The following CD44 variants were observed in gnomAD, a reference collection of about 807,000 sequenced individuals.
The protein encoded by CD44 is CD44 molecule (IN blood group).
CD44 carries 49 observed loss-of-function variants against 88.8 expected under a neutral mutation model. The ratio of observed to expected loss-of-function variants is 0.55; its 90% CI spans 0.44 to 0.70. The LOEUF is 0.70. Ranked by LOEUF, CD44 falls within the 30% of genes least tolerant of loss-of-function variation. The pLI, the probability that CD44 is intolerant of heterozygous loss-of-function variation, is 0.00. For missense variants in CD44, 883 were observed against 913.8 expected (o/e 0.97, Z 0.43); for synonymous variants, 325 against 312.3 (o/e 1.04, Z -0.43).
chr11:35,200,966 C>A, intron 7 of CD44, 116 bp from the exon 8 acceptor site: 2 of 773,954 alleles, frequency 2.6e-6, no homozygotes, highest in Non-Finnish European at 4.6e-6. Flanking sequence ...GCCATCTATA[C>A]AACCTGGTAT....
At chr11:35,219,142 A>G (rs1949086390) in intron 15 of CD44, 174 bp from the exon 16 acceptor site, 1 of 607,104 alleles carries the variant, frequency 1.6e-6, no homozygotes, top group Admixed American at 2.8e-5. Flanking sequence ...GCCTTAATCA[A>G]ATGAGGTGGG....
At chr11:35,217,170 C>G (rs1334978736) in intron 15 of CD44, among the ~76,000 whole-genome samples, 6 of 151,876 alleles carry the variant, frequency 4.0e-5, no homozygotes, top group Non-Finnish European at 5.9e-5. Flanking sequence ...GAGCCAGTCT[C>G]TTTTGTTTGG....
chr11:35,159,626 G>A (rs1439482895), intron 1 of CD44, among the ~76,000 whole-genome samples: 2 of 152,254 alleles, frequency 1.3e-5, no homozygotes, highest in Non-Finnish European at 2.9e-5. Flanking sequence ...GGTGCTTTTT[G>A]TATATTTATT....
intron 17 of CD44, among the ~76,000 whole-genome samples, chr11:35,224,743 GCAAA>G (rs370943848): frequency 2.2e-4 from 34 of 151,988 alleles, no homozygotes; most frequent in African/African-American, 6.3e-4. Flanking sequence ...AAACAAACAA[GCAAA>G]CAAACAAACA....
At chr11:35,208,520 C>A (rs1347488454) in intron 12 of CD44, among the ~76,000 whole-genome samples, 1 of 152,192 alleles carries the variant, frequency 6.6e-6, no homozygotes, top group Non-Finnish European at 1.5e-5. Context: ...ATAGTGATTT[C>A]TCTATGTTTT....
At position 35,159,199 on chromosome 11, in the gene CD44, A is replaced by G. The variant is rs919575416; in HGVS notation, c.68-17376A>G. The stretch of plus-strand genomic sequence containing the variant: ...ATGAGGTGCCAGCTTCTGAGTGCAT[A>G]AAGTGTGTCCATCGTTTTTAATCAA... On this transcript the variant is annotated intron_variant, in intron 1 of 17. Transcript: ENST00000428726. Among the ~76,000 whole-genome samples, 9 of 152,336 alleles carry G rather than the reference A, an allele frequency of 5.9e-5. No homozygotes were observed. In the East Asian group the frequency reaches 1.2e-3, roughly 20 times the overall value.
At chr11:35,190,428 C>T (rs1946155577) in intron 5 of CD44, 2 of 262,956 alleles carry the variant, frequency 7.6e-6, no homozygotes, top group East Asian at 1.8e-4. Context: ...TTCTTATCCA[C>T]CTATGGATAA....
At chr11:35,208,495 A>T (rs569125808) in intron 12 of CD44, among the ~76,000 whole-genome samples, 1 of 152,354 alleles carries the variant, frequency 6.6e-6, no homozygotes, top group Non-Finnish European at 1.5e-5. Context: ...AGTGAAACAC[A>T]TGCCCACTTC....
intron 14 of CD44, among the ~76,000 whole-genome samples, chr11:35,214,284 C>T (rs767307306): frequency 2.6e-5 from 4 of 152,120 alleles, no homozygotes; most frequent in Non-Finnish European, 5.9e-5. Flanking sequence ...TCCTTTTTTA[C>T]TTATTTTCAA....
chr11:35,160,871 G>A (rs1942505541), intron 1 of CD44, among the ~76,000 whole-genome samples: 1 of 152,196 alleles, frequency 6.6e-6, no homozygotes, highest in African/African-American at 2.4e-5. Flanking sequence ...GACACTTGAG[G>A]CAGGATCCTC....
intron 3 of CD44, among the ~76,000 whole-genome samples, chr11:35,183,467 T>C (rs1430782942): frequency 6.6e-6 from 1 of 152,192 alleles, no homozygotes; most frequent in Non-Finnish European, 1.5e-5. Flanking sequence ...TAAACTGCCC[T>C]ATGCAAAGAT....
At chr11:35,198,358 C>T in intron 7 of CD44, 112 bp downstream of exon 7, 7 of 912,822 alleles carry the variant, frequency 7.7e-6, no homozygotes, top group Middle Eastern at 6.3e-4. Context: ...ATGGGTGAAC[C>T]TATGATCATA....
chr11:35,170,482 G>A (rs553552994), intron 1 of CD44, among the ~76,000 whole-genome samples: 1 of 152,290 alleles, frequency 6.6e-6, no homozygotes, highest in African/African-American at 2.4e-5. Flanking sequence ...TAATGAGCGT[G>A]CTAAAGGCCT....
rs547635329 is a variant in CD44 at position 35,188,113 on chromosome 11, G to A, written c.436+1213G>A. Among the ~76,000 whole-genome samples the A allele has an allele frequency of 2.0e-5, 3 of 152,344 alleles. No homozygotes were observed. The South Asian group carries it at 6.2e-4, about 32-fold the overall frequency. ...GCTTCATTTAATGGGAAACAGTACA[G>A]TGTTGAGAGGTCTGATTTCTGCTTC... is the stretch of plus-strand genomic sequence containing the variant. On this transcript the variant is annotated intron_variant, in intron 4 of 17. Coordinates refer to ENST00000428726, the MANE Select transcript of CD44 (RefSeq NM_000610.4).
At chr11:35,219,560 T>C (rs1949121163) in intron 16 of CD44, among the ~76,000 whole-genome samples, 173 bp downstream of exon 16, 1 of 152,226 alleles carries the variant, frequency 6.6e-6, no homozygotes, top group Admixed American at 6.5e-5. Flanking sequence ...ACCCTCTTGG[T>C]AGGAAAAGAT....
intron 5 of CD44, among the ~76,000 whole-genome samples, chr11:35,193,219 A>C (rs573914225): frequency 1.6e-4 from 25 of 152,306 alleles, no homozygotes; most frequent in African/African-American, 5.5e-4. Context: ...CCACACATAA[A>C]ATACACTAAC....
chr11:35,203,232 T>A (rs1167647031), intron 9 of CD44, among the ~76,000 whole-genome samples: 2 of 152,158 alleles, frequency 1.3e-5, no homozygotes, highest in Admixed American at 6.6e-5. Flanking sequence ...CCATTCCTAT[T>A]TAGGCTGAAA....
At chr11:35,222,373 A>C in intron 17 of CD44, 3 of 1,276,900 alleles carry the variant, frequency 2.3e-6, no homozygotes, top group Non-Finnish European at 3.1e-6. Context: ...TGGGAACTGT[A>C]GTTGAAGAGA....
Position 35,189,909 on chromosome 11 carries a change from A to G in CD44, c.511A>G (p.Ser171Gly), listed in dbSNP as rs1946102556. Residue 171 changes from serine (S) to glycine (G), a missense_variant, in exon 5 of 18, where the codon AGC becomes GGC. Transcript: ENST00000428726. ...YRTNPEDIYP[S>G]NPTDDDVSSG... ...AACGAATCCTGAAGACATCTACCCC[A>G]GCAACCCTACTGATGATGACGTGAG... The G allele has an allele frequency of 2.5e-6, 4 of 1,614,058 alleles. No homozygotes were observed. The highest frequency in any genetic ancestry group is 1.7e-5 in the Admixed American group (1 of 59,988).
Sources: allele counts gnomAD v4.1 joint callset (sites outside exome capture counted in the v4.1 genomes callset), GRCh38; gene constraint gnomAD v4.1.1; transcripts MANE v1.5; gene names NCBI Gene and HGNC (gene_info 2026-07-23, HGNC 2026-07-21).